Variants in SEZ6L observed in about 807,000 individuals in gnomAD.
SEZ6L encodes the protein seizure 6-like protein.
A neutral mutation model predicts 106.2 loss-of-function variants in SEZ6L; 37 were observed. The observed-to-expected ratio is 0.35, with a 90% CI of 0.27 to 0.46. SEZ6L has a LOEUF of 0.46. Among genes scored for constraint, SEZ6L ranks in the 20% least tolerant of loss-of-function variants. The pLI is 1.00. For missense variants in SEZ6L, 1,172 were observed against 1,332.8 expected, an observed-to-expected ratio of 0.88 and a Z score of 1.88; for synonymous variants, 541 against 570.4, an observed-to-expected ratio of 0.95 and a Z score of 0.73.
chr22:26,287,912 C>A (rs1169483499), intron 1 of SEZ6L, among the ~76,000 whole-genome samples: 1 of 152,184 alleles, frequency 6.6e-6, no homozygotes, highest in Non-Finnish European at 1.5e-5. Flanking sequence ...CAAAACTCTC[C>A]TTGATGGTCA....
chr22:26,329,606 T>C (rs1378600179), intron 9 of SEZ6L, among the ~76,000 whole-genome samples: 1 of 152,262 alleles, frequency 6.6e-6, no homozygotes, highest in Non-Finnish European at 1.5e-5. Context: ...TCAAATTAAA[T>C]TGAAAGCAAA....
intron 1 of SEZ6L, among the ~76,000 whole-genome samples, chr22:26,190,574 GT>G (rs1188296572): frequency 5.9e-5 from 9 of 152,104 alleles, no homozygotes; most frequent in African/African-American, 2.2e-4. Flanking sequence ...ATTTATAATA[GT>G]ACCAATTTCA....
intron 1 of SEZ6L, among the ~76,000 whole-genome samples, chr22:26,257,326 T>C (rs1008667426): frequency 1.3e-5 from 2 of 152,200 alleles, no homozygotes; most frequent in African/African-American, 4.8e-5. Flanking sequence ...TTATAGATGA[T>C]GGATCTGGGG....
chr22:26,244,304 G>T (rs530971889), intron 1 of SEZ6L: 3 of 152,278 alleles, frequency 2.0e-5, no homozygotes, highest in East Asian at 3.9e-4. Flanking sequence ...GAAAATCACC[G>T]TGCCCTGTTA....
chr22:26,343,995 G>A (rs1002490051), intron 10 of SEZ6L, among the ~76,000 whole-genome samples: 7 of 152,120 alleles, frequency 4.6e-5, no homozygotes, highest in African/African-American at 1.7e-4. Flanking sequence ...GGCATGAGAA[G>A]GGTATTTGTT....
chr22:26,307,848 A>G (rs2081683024), intron 6 of SEZ6L, among the ~76,000 whole-genome samples: 1 of 152,166 alleles, frequency 6.6e-6, no homozygotes, highest in Admixed American at 6.5e-5. Flanking sequence ...GAATGCATCA[A>G]AATGAGTATT....
intron 5 of SEZ6L, among the ~76,000 whole-genome samples, chr22:26,302,826 A>G (rs376256172): frequency 6.6e-6 from 1 of 152,218 alleles, no homozygotes; most frequent in Non-Finnish European, 1.5e-5. Context: ...CAGTTGGCTT[A>G]ATCAGGCAAA....
chr22:26,306,253 A>G (rs938109768), intron 6 of SEZ6L, 109 bp downstream of exon 6: 18 of 1,239,822 alleles, frequency 1.5e-5, no homozygotes, highest in Non-Finnish European at 2.0e-5. Flanking sequence ...TCGGAATTCA[A>G]GAAAAGAAGA....
intron 3 of SEZ6L, among the ~76,000 whole-genome samples, chr22:26,296,548 A>T (rs2081305504): frequency 6.6e-6 from 1 of 151,976 alleles, no homozygotes; most frequent in Non-Finnish European, 1.5e-5. Context: ...TGCTGCCTCC[A>T]CTCACCAGCT....
intron 12 of SEZ6L, among the ~76,000 whole-genome samples, chr22:26,359,367 T>C (rs2083538680): frequency 6.6e-6 from 1 of 152,184 alleles, no homozygotes; most frequent in Non-Finnish European, 1.5e-5. Flanking sequence ...TTTTCTCATC[T>C]GTAAAATGGC....
intron 1 of SEZ6L, among the ~76,000 whole-genome samples, chr22:26,238,798 C>T (rs2079027219): frequency 1.3e-5 from 2 of 152,302 alleles, no homozygotes; most frequent in Non-Finnish European, 1.5e-5. Context: ...TAGGAAGGAA[C>T]CATGATTCAA....
rs1385536583 is a variant in SEZ6L, at chr22:26,383,153, T to A, written c.*2858T>A. 1.3e-5 allele frequency: 2 copies of A among 151,232 alleles called. No individual in the cohort carries two copies. The highest frequency in any genetic ancestry group is 3.9e-4 in the East Asian group (2 of 5,102). 9.4% of individuals were successfully genotyped at this position (151,232 alleles called of 1,614,324 possible). ...TGATGGCCATTCTTACTTAGTTTCA[T>A]AGATGTGCTTTAACTATGATCCTTT... On this transcript the variant is annotated 3_prime_UTR_variant, in exon 17 of 17. Transcript: ENST00000248933.
rs1176913733 is a variant in SEZ6L, at chr22:26,287,411, C to T, written c.95-4995C>T. On this transcript the variant is annotated intron_variant, in intron 1 of 16. Transcript: ENST00000248933. ...ACACCCAACACTTTGATTGATTGAC[C>T]GCTTTTGAGTAGAGCACCGACTGTA... is the stretch of plus-strand genomic sequence containing the variant. Among the ~76,000 whole-genome samples the T allele has an allele frequency of 5.3e-5, 8 of 152,062 alleles. No homozygotes were observed. In the South Asian group the frequency reaches 6.3e-4, roughly 12 times the overall value.
At chr22:26,214,366 C>T (rs905389465) in intron 1 of SEZ6L, among the ~76,000 whole-genome samples, 1 of 152,050 alleles carries the variant, frequency 6.6e-6, no homozygotes, top group Non-Finnish European at 1.5e-5. Flanking sequence ...CATGCAGGGC[C>T]CGGCACACGG....
chr22:26,206,983 G>A (rs1941303427), intron 1 of SEZ6L, among the ~76,000 whole-genome samples: 1 of 152,204 alleles, frequency 6.6e-6, no homozygotes, highest in Admixed American at 6.5e-5. Context: ...CCAGTGTTTT[G>A]TGAACCTCGA....
chr22:26,298,472 G>A (rs1400934516), intron 4 of SEZ6L, among the ~76,000 whole-genome samples: 2 of 152,208 alleles, frequency 1.3e-5, no homozygotes, highest in Non-Finnish European at 2.9e-5. Context: ...CTTGTCTCAA[G>A]GTGACATCGT....
chr22:26,278,937 GAAAGAAAGAA>G (rs1387912766), intron 1 of SEZ6L, among the ~76,000 whole-genome samples: 1 of 124,738 alleles, frequency 8.0e-6, no homozygotes, highest in Admixed American at 9.3e-5. Context: ...GAAGAAGAAA[GAAAGAAAGAA>G]AAAGAAAGAA....
At position 26,236,401 on chromosome 22, in the gene SEZ6L, G is replaced by A. The variant is rs182500294; in HGVS notation, c.95-56005G>A. 2.6e-5 allele frequency among the ~76,000 whole-genome samples: 4 copies of A among 152,212 alleles called. No individual in the cohort carries two copies. The East Asian group carries it at 5.8e-4, about 22-fold the overall frequency. On this transcript the variant is annotated intron_variant, in intron 1 of 16. Coordinates refer to ENST00000248933, the MANE Select transcript of SEZ6L (RefSeq NM_021115.5). ...ACAGTGTGGCTCAGCCATTGCCAGC[G>A]GCTCTCCAAAACAGACCCTGTCTTA...
At chr22:26,232,126 A>T (rs1202373772) in intron 1 of SEZ6L, among the ~76,000 whole-genome samples, 1 of 152,108 alleles carries the variant, frequency 6.6e-6, no homozygotes, top group Non-Finnish European at 1.5e-5. Context: ...GGTGAGGAGA[A>T]AAAAGTGAAG....
Sources: allele counts gnomAD v4.1 joint callset (sites outside exome capture counted in the v4.1 genomes callset), GRCh38; gene constraint gnomAD v4.1.1; transcripts MANE v1.5; gene names NCBI Gene and HGNC (gene_info 2026-07-23, HGNC 2026-07-21).